TGM6: variants seen among roughly 807,000 people sequenced by gnomAD.
TGM6 encodes protein-glutamine gamma-glutamyltransferase 6.
TGM6 carries 74 observed loss-of-function variants against 77.5 expected under a neutral mutation model. The ratio of observed to expected loss-of-function variants is 0.96; its 90% confidence interval spans 0.79 to 1.16. The LOEUF (loss-of-function observed/expected upper bound fraction) is 1.16. TGM6 is among the 50% of genes most tolerant of loss of function. The pLI is 0.00. For missense variants in TGM6, 968 were observed against 940.2 expected (o/e 1.03, Z -0.39); for synonymous variants, 383 against 378.9 (o/e 1.01, Z -0.12).
At position 2,425,390 on chromosome 20, in the gene TGM6, C is replaced by T. The variant is rs561058974; in HGVS notation, c.1679-5056C>T. Among the ~76,000 whole-genome samples the T allele has an allele frequency of 1.3e-4, 19 of 151,866 alleles. No homozygotes were observed. In the East Asian group the frequency reaches 3.7e-3, roughly 29 times the overall value. ...AGATCACTGATCATAGAAGCAAACA[C>T]ATGCTCTTGGAAAAATGGCTCTTAT... is the stretch of plus-strand genomic sequence containing the variant. On this transcript the variant is annotated intron_variant, in intron 10 of 12. Transcript: ENST00000202625.
intron 12 of TGM6, 94 bp from the exon 13 acceptor site, chr20:2,432,396 A>C (rs1309758549): frequency 6.6e-7 from 1 of 1,517,208 alleles, no homozygotes. Context: ...GGTGAACTTG[A>C]TCCTGAGGAG....
chr20:2,427,076 A>ATT (rs11482900), intron 10 of TGM6, among the ~76,000 whole-genome samples: 2 of 151,502 alleles, frequency 1.3e-5, no homozygotes, highest in Non-Finnish European at 1.5e-5. Flanking sequence ...AATTGCTATA[A>ATT]TTTTTTTTTC....
chr20:2,413,732 G>A (rs1451833236), intron 9 of TGM6, among the ~76,000 whole-genome samples: 12 of 152,242 alleles, frequency 7.9e-5, no homozygotes, highest in East Asian at 7.7e-4. Flanking sequence ...TATCTCACAC[G>A]ATACACAAAA....
chr20:2,425,134 A>G (rs550344223), intron 10 of TGM6, among the ~76,000 whole-genome samples: 2 of 152,188 alleles, frequency 1.3e-5, no homozygotes, highest in Admixed American at 6.5e-5. Context: ...TGAACCTAGG[A>G]GTTTGAGACC....
chr20:2,432,731 C>T lies in TGM6; in HGVS notation c.*88C>T. The stretch of plus-strand genomic sequence containing the variant: ...CTCTTCCACATGGGAGCCAGGAGGC[C>T]TCAGTTAATCCTGCCTCAACCTCTG... On this transcript the variant is annotated 3_prime_UTR_variant, in exon 13 of 13. Coordinates refer to ENST00000202625, the MANE Select transcript of TGM6 (RefSeq NM_198994.3). 6.3e-7 allele frequency: 1 copy of T among 1,582,414 alleles called. No homozygotes were observed. Among genetic ancestry groups the T allele is most frequent in the South Asian group, 1.1e-5 (1 of 90,016 alleles).
At chr20:2,392,312 A>G (rs954006134) in intron 1 of TGM6, among the ~76,000 whole-genome samples, 7 of 152,118 alleles carry the variant, frequency 4.6e-5, no homozygotes, top group African/African-American at 1.7e-4. Context: ...TCCTGGAGAC[A>G]CTCATCCAAT....
chr20:2,423,221 G>A (rs146054862), intron 10 of TGM6, among the ~76,000 whole-genome samples: 21 of 151,862 alleles, frequency 1.4e-4, no homozygotes, highest in African/African-American at 4.6e-4. Flanking sequence ...AACGAAATTC[G>A]CCACATTGAA....
chr20:2,413,488 A>G (rs1817286865), intron 9 of TGM6, among the ~76,000 whole-genome samples: 1 of 152,216 alleles, frequency 6.6e-6, no homozygotes, highest in Non-Finnish European at 1.5e-5. Context: ...GAATGGACAT[A>G]TAGATCAAAG....
intron 3 of TGM6, 134 bp downstream of exon 3, chr20:2,395,570 C>T: frequency 1.3e-6 from 2 of 1,525,360 alleles, no homozygotes; most frequent in South Asian, 2.3e-5. Flanking sequence ...AGAACTTAGC[C>T]TAGGCAGAGG....
intron 12 of TGM6, among the ~76,000 whole-genome samples, chr20:2,431,312 C>G (rs1288721059): frequency 6.6e-6 from 1 of 152,226 alleles, no homozygotes; most frequent in African/African-American, 2.4e-5. Context: ...CATTTGCTCT[C>G]TTTCACTCAT....
At chr20:2,421,646 G>A (rs1240801684) in intron 10 of TGM6, among the ~76,000 whole-genome samples, 1 of 152,114 alleles carries the variant, frequency 6.6e-6, no homozygotes, top group Non-Finnish European at 1.5e-5. Context: ...CTCATTGCTG[G>A]TTTTTAAAAG....
At position 2,413,353 on chromosome 20, in the gene TGM6, G is replaced by T. The variant is rs577781452; in HGVS notation, c.1337-3879G>T. ...GAGCCTGGGAGGTTGAGGTTGCAAT[G>T]AGCCATGATTGCACCACTGTACTCC... On this transcript the variant is annotated intron_variant, in intron 9 of 12. Coordinates refer to ENST00000202625, the MANE Select transcript of TGM6 (RefSeq NM_198994.3). Among the ~76,000 whole-genome samples the T allele has an allele frequency of 2.6e-5, 4 of 152,268 alleles. No homozygotes were observed. The East Asian group carries it at 7.7e-4, about 29-fold the overall frequency.
chr20:2,390,415 C>T (rs2084622469), intron 1 of TGM6, among the ~76,000 whole-genome samples: 1 of 152,222 alleles, frequency 6.6e-6, no homozygotes, highest in Non-Finnish European at 1.5e-5. Flanking sequence ...TGGTCAACAG[C>T]TGGAAGCCAG....
chr20:2,391,225 G>C (rs1329954312), intron 1 of TGM6, among the ~76,000 whole-genome samples: 2 of 151,996 alleles, frequency 1.3e-5, no homozygotes, highest in East Asian at 1.9e-4. Context: ...ACCTCCCTTA[G>C]GTGTATGTTA....
chr20:2,388,292 C>T (rs1214721564), intron 1 of TGM6, among the ~76,000 whole-genome samples: 1 of 152,186 alleles, frequency 6.6e-6, no homozygotes, highest in African/African-American at 2.4e-5. Context: ...TTTTGACCAG[C>T]CCTGTCCAGA....
At chr20:2,426,833 G>T (rs920638930) in intron 10 of TGM6, among the ~76,000 whole-genome samples, 3 of 152,090 alleles carry the variant, frequency 2.0e-5, no homozygotes, top group African/African-American at 7.2e-5. Flanking sequence ...TATTGACCCA[G>T]CCTTACATGC....
intron 10 of TGM6, among the ~76,000 whole-genome samples, chr20:2,425,002 G>T (rs1282670079): frequency 2.6e-5 from 4 of 152,146 alleles, no homozygotes; most frequent in Non-Finnish European, 4.4e-5. Context: ...GGCATGGTTT[G>T]TGGTGCTAAC....
intron 9 of TGM6, among the ~76,000 whole-genome samples, chr20:2,412,227 G>A (rs926105964): frequency 6.6e-6 from 1 of 152,158 alleles, no homozygotes; most frequent in Non-Finnish European, 1.5e-5. Flanking sequence ...AAATAAGCCA[G>A]ACATAAAAGA....
rs202247258 is a variant in TGM6, at chr20:2,394,496, G to A, written c.52G>A (p.Ala18Thr). ...KVDWQRSRNG[A>T]AHHTQEYPCP... ...GGACTGGCAGCGGTCGAGGAATGGC[G>A]CTGCCCACCACACCCAGGAGTACCC... is the stretch of plus-strand genomic sequence containing the variant. Residue 18 changes from alanine (A) to threonine (T), a missense_variant, in exon 2 of 13, where the codon GCT (alanine) becomes ACT (threonine). Ala to Thr is a moderately conservative substitution (Grantham distance 58, BLOSUM62 0). Transcript: ENST00000202625. 1.0e-4 allele frequency: 162 copies of A among 1,611,578 alleles called. No homozygotes were observed. Among genetic ancestry groups the A allele is most frequent in the African/African-American group, 1.3e-4 (10 of 74,964 alleles).
Sources: allele counts gnomAD v4.1 joint callset (sites outside exome capture counted in the v4.1 genomes callset), GRCh38; gene constraint gnomAD v4.1.1; transcripts MANE v1.5; gene names NCBI Gene and HGNC (gene_info 2026-07-23, HGNC 2026-07-21).